KCNG2: variants seen among roughly 807,000 people sequenced by gnomAD.
The protein encoded by KCNG2 is potassium voltage-gated channel modifier subfamily G member 2, also known as voltage-gated potassium channel regulatory subunit KCNG2.
A neutral mutation model predicts 12.3 loss-of-function variants in KCNG2; 7 were observed. That is an observed-to-expected ratio of 0.57 (90% confidence interval 0.32 to 1.07). The LOEUF (loss-of-function observed/expected upper bound fraction) is 1.07. Among genes scored for constraint, KCNG2 ranks in the 50% least tolerant of loss-of-function variants. The pLI, the probability that KCNG2 is intolerant of heterozygous loss-of-function variation, is 0.04. For synonymous variants in KCNG2, 414 were observed against 351.4 expected (o/e 1.18, Z -1.99); for missense variants, 703 against 726.0 (o/e 0.97, Z 0.36).
In KCNG2 at chr18:79,803,801, G is replaced by A. The variant is rs2087429192; in HGVS notation, c.-115+5787G>A. Among the ~76,000 whole-genome samples the A allele has an allele frequency of 6.6e-6, 1 of 152,210 alleles. No individual in the cohort carries two copies. The highest frequency in any genetic ancestry group is 6.5e-5 in the Admixed American group (1 of 15,294). On this transcript the variant is annotated intron_variant, in intron 1 of 3. Coordinates refer to ENST00000316249, the MANE Select transcript of KCNG2 (RefSeq NM_012283.2). This position sits in a 1 kb window ranked among gnomAD's most constrained non-coding sequence, Gnocchi z 4.5. ...GGCCAAGGTTCCAGGATGCCAGCAG[G>A]TGCCTGAGACTGGGCTGCCTCCAAG...
chr18:79,814,670 G>A (rs1344280378), intron 1 of KCNG2, among the ~76,000 whole-genome samples: 1 of 152,224 alleles, frequency 6.6e-6, no homozygotes, highest in Non-Finnish European at 1.5e-5. Flanking sequence ...TTTGCAAGAG[G>A]CCACCATTGG....
intron 1 of KCNG2, among the ~76,000 whole-genome samples, chr18:79,853,947 C>T (rs970808569): frequency 2.0e-5 from 3 of 152,232 alleles, no homozygotes; most frequent in South Asian, 2.1e-4. Context: ...TTTCCAACCT[C>T]GGGGTCCAGC....
chr18:79,889,944 CA>C (rs1980688581), intron 3 of KCNG2, among the ~76,000 whole-genome samples: 1 of 152,162 alleles, frequency 6.6e-6, no homozygotes, highest in South Asian at 2.1e-4. Context: ...TGTATTTTGT[CA>C]AAAGCTTTTT....
chr18:79,807,901 GGCCGCGCT>G (rs2087464258), intron 1 of KCNG2, among the ~76,000 whole-genome samples: 1 of 112,336 alleles, frequency 8.9e-6, no homozygotes. Flanking sequence ...GAGCTGCCGG[GGCCGCGCT>G]GACCACACTC....
chr18:79,842,377 G>T (rs1978487290), intron 1 of KCNG2, among the ~76,000 whole-genome samples: 1 of 152,192 alleles, frequency 6.6e-6, no homozygotes, highest in African/African-American at 2.4e-5. Flanking sequence ...CCTTGCCAAA[G>T]CCAGTTTATA....
intron 1 of KCNG2, among the ~76,000 whole-genome samples, chr18:79,834,352 C>T (rs919479748): frequency 1.3e-5 from 2 of 152,170 alleles, no homozygotes; most frequent in Middle Eastern, 3.2e-3. Context: ...CTCTCAGTTT[C>T]TGGGAGGACA....
At chr18:79,805,704 C>T (rs866829075) in intron 1 of KCNG2, among the ~76,000 whole-genome samples, 3 of 152,202 alleles carry the variant, frequency 2.0e-5, no homozygotes, top group South Asian at 2.1e-4. Context: ...CCTCATCCAC[C>T]ATGTGTGGTT....
At chr18:79,804,750 A>G (rs933779326) in intron 1 of KCNG2, among the ~76,000 whole-genome samples, 1 of 152,224 alleles carries the variant, frequency 6.6e-6, no homozygotes, top group African/African-American at 2.4e-5. Flanking sequence ...AGGTACAACA[A>G]ATGCAATTTA....
At position 79,803,416 on chromosome 18, in the gene KCNG2, A is replaced by G. The variant is rs2087426068; in HGVS notation, c.-115+5402A>G. Among the ~76,000 whole-genome samples, 1 of 152,242 alleles carries G rather than the reference A, an allele frequency of 6.6e-6. No homozygotes were observed. Among genetic ancestry groups the G allele is most frequent in the Admixed American group, 6.5e-5 (1 of 15,288 alleles). ...TTAATTTTCCCTTGTTTTCTGCCAAAAGAAAAGACATCTTCTAGAAGAGGG... is the reference window on the plus strand; with the variant it reads ...TTAATTTTCCCTTGTTTTCTGCCAAGAGAAAAGACATCTTCTAGAAGAGGG... On this transcript the variant is annotated intron_variant, in intron 1 of 3. Transcript: ENST00000316249. The surrounding 1 kb of genome is among the most constrained non-coding windows in gnomAD (Gnocchi z 4.5).
Position 79,822,093 on chromosome 18 carries a change from G to C in KCNG2, c.-115+24079G>C, listed in dbSNP as rs909016040. On this transcript the variant is annotated intron_variant, in intron 1 of 3. Coordinates refer to ENST00000316249, the MANE Select transcript of KCNG2 (RefSeq NM_012283.2). This position sits in a 1 kb window ranked among gnomAD's most constrained non-coding sequence, Gnocchi z 4.4. Reference sequence around the variant, plus strand: ...GCTTCAGTAAAACTTGTCAAATTCAGACTCAAGGTGCCTTTTGTACCATTG... The same window carrying C: ...GCTTCAGTAAAACTTGTCAAATTCACACTCAAGGTGCCTTTTGTACCATTG... 1.3e-5 allele frequency among the ~76,000 whole-genome samples: 2 copies of C among 152,294 alleles called. No homozygotes were observed. The highest frequency in any genetic ancestry group is 4.8e-5 in the African/African-American group (2 of 41,578).
At chr18:79,896,430 C>T (rs1054142875) in intron 3 of KCNG2, among the ~76,000 whole-genome samples, 2 of 152,234 alleles carry the variant, frequency 1.3e-5, no homozygotes, top group African/African-American at 2.4e-5. Context: ...CCTTTTGGTG[C>T]GATTGTTGTA....
At chr18:79,865,362 CTGTGTGCTGAGAGTG>C (rs1979443105) in intron 3 of KCNG2, among the ~76,000 whole-genome samples, 1 of 113,804 alleles carries the variant, frequency 8.8e-6, no homozygotes, top group African/African-American at 3.7e-5. Flanking sequence ...GCTGAGAGGT[CTGTGTGCTGAGAGTG>C]TGGGTGCTGA....
intron 1 of KCNG2, among the ~76,000 whole-genome samples, chr18:79,815,196 T>TG (rs918604909): frequency 2.0e-5 from 3 of 152,200 alleles, no homozygotes; most frequent in Non-Finnish European, 4.4e-5. Flanking sequence ...CCTAACAATT[T>TG]GGTAGGCAGA....
chr18:79,864,355 CGGGGAGGTGGGTG>C, intron 3 of KCNG2, 64 bp downstream of exon 3: 2 of 80,354 alleles, frequency 2.5e-5, no homozygotes, highest in Non-Finnish European at 4.8e-5. Flanking sequence ...ATCTGGGCTG[CGGGGAGGTGGGTG>C]GGGGAAGGGG....
intron 2 of KCNG2, among the ~76,000 whole-genome samples, chr18:79,861,412 G>A (rs1192022351): frequency 1.3e-5 from 2 of 151,830 alleles, no homozygotes; most frequent in Non-Finnish European, 2.9e-5. Flanking sequence ...CCGAGTAGCT[G>A]GGATTACGGG....
intron 1 of KCNG2, among the ~76,000 whole-genome samples, chr18:79,849,240 C>T (rs1978731177): frequency 6.6e-6 from 1 of 152,222 alleles, no homozygotes; most frequent in Non-Finnish European, 1.5e-5. Flanking sequence ...GTGGTCCCGT[C>T]CTTAGCCCCT....
chr18:79,867,458 G>C (rs1979641665), intron 3 of KCNG2, among the ~76,000 whole-genome samples: 1 of 109,994 alleles, frequency 9.1e-6, no homozygotes. Context: ...TGTCTTGGGG[G>C]GGGGACCGTG....
At chr18:79,798,142 G>A (rs2122980732) in intron 1 of KCNG2, among the ~76,000 whole-genome samples, 128 bp downstream of exon 1, 1 of 151,766 alleles carries the variant, frequency 6.6e-6, no homozygotes, top group Non-Finnish European at 1.5e-5. Context: ...TCTTCTCCGG[G>A]TGCGCGGTGC....
intron 1 of KCNG2, among the ~76,000 whole-genome samples, chr18:79,805,239 CCTT>C (rs2087440260): frequency 6.6e-6 from 1 of 152,236 alleles, no homozygotes; most frequent in African/African-American, 2.4e-5. Context: ...CCAGATGCAT[CCTT>C]CTCATTCTCC....
Sources: allele counts gnomAD v4.1 joint callset (sites outside exome capture counted in the v4.1 genomes callset), GRCh38; gene constraint gnomAD v4.1.1; non-coding constraint Gnocchi (gnomAD v3.1); transcripts MANE v1.5; gene names NCBI Gene and HGNC (gene_info 2026-07-23, HGNC 2026-07-21).